VPS13B: variants seen among roughly 807,000 people sequenced by gnomAD.
VPS13B encodes the protein intermembrane lipid transfer protein VPS13B.
VPS13B carries 285 observed loss-of-function variants against 426.4 expected under a neutral mutation model. That is an observed-to-expected ratio of 0.67 (90% CI 0.61 to 0.74). The LOEUF (loss-of-function observed/expected upper bound fraction) is 0.74, where lower values mean the gene tolerates loss of function less well. VPS13B is among the 30% of genes least tolerant of loss of function. VPS13B has a pLI of 0.00. For synonymous variants in VPS13B, 1,676 were observed against 1,676.4 expected (o/e 1.00, Z 0.01); for missense variants, 4,537 against 4,782.6 (o/e 0.95, Z 1.51).
At chr8:99,841,453 CTG>C (rs1815678743) in intron 54 of VPS13B, among the ~76,000 whole-genome samples, 1 of 152,220 alleles carries the variant, frequency 6.6e-6, no homozygotes, top group Non-Finnish European at 1.5e-5. Context: ...AATGTCATCA[CTG>C]TTTTCCCAGT....
intron 14 of VPS13B, among the ~76,000 whole-genome samples, chr8:99,150,635 G>A (rs1046526912): frequency 6.6e-6 from 1 of 152,134 alleles, no homozygotes; most frequent in Non-Finnish European, 1.5e-5. Context: ...GAATCATATA[G>A]TATGTAGCCT....
intron 3 of VPS13B, among the ~76,000 whole-genome samples, chr8:99,086,638 G>C (rs566595078): frequency 6.6e-6 from 1 of 152,066 alleles, no homozygotes; most frequent in Non-Finnish European, 1.5e-5. Flanking sequence ...TGGGGTTTTG[G>C]TGTGGATGTT....
At chr8:99,376,475 A>G (rs1158689585) in intron 19 of VPS13B, among the ~76,000 whole-genome samples, 3 of 152,172 alleles carry the variant, frequency 2.0e-5, no homozygotes. Flanking sequence ...TTTTGGTATA[A>G]TGTAATCATA....
At chr8:99,503,414 C>A (rs1821342063) in intron 27 of VPS13B, among the ~76,000 whole-genome samples, 1 of 152,234 alleles carries the variant, frequency 6.6e-6, no homozygotes, top group Admixed American at 6.5e-5. Flanking sequence ...TCAATGATGT[C>A]ATTTGCCACA....
At chr8:99,818,917 A>C in intron 47 of VPS13B, 29 bp downstream of exon 47, 4 of 1,593,180 alleles carry the variant, frequency 2.5e-6, no homozygotes, top group Non-Finnish European at 3.4e-6. Context: ...CATACATTTT[A>C]CATTTTCCTA....
At chr8:99,779,593 A>G (rs1811912596) in intron 42 of VPS13B, among the ~76,000 whole-genome samples, 1 of 152,212 alleles carries the variant, frequency 6.6e-6, no homozygotes, top group African/African-American at 2.4e-5. Context: ...GATTATTTTA[A>G]TAATTTTTTA....
At chr8:99,226,177 G>C (rs1381695932) in intron 17 of VPS13B, among the ~76,000 whole-genome samples, 1 of 152,098 alleles carries the variant, frequency 6.6e-6, no homozygotes, top group Non-Finnish European at 1.5e-5. Context: ...ACTACTTATA[G>C]TACATTTCTA....
chr8:99,336,529 T>G (rs559659325), intron 19 of VPS13B, among the ~76,000 whole-genome samples: 25 of 152,140 alleles, frequency 1.6e-4, no homozygotes, highest in Non-Finnish European at 2.5e-4. Flanking sequence ...CTAATGAAAC[T>G]AAAGAGCTTC....
chr8:99,778,701 G>C lies in VPS13B; in HGVS notation c.7449G>C (p.Gln2483His), dbSNP rs1382583981. 1 of 1,613,836 alleles carries C rather than the reference G, an allele frequency of 6.2e-7. No individual in the cohort carries two copies. The highest frequency in any genetic ancestry group is 1.1e-5 in the South Asian group (1 of 91,068). The part of the protein sequence containing the change: ...QLGTAAPQYL[Q>H]PFVSDRNMPS... ...CAACAGCTGCACCACAGTACCTACA[G>C]CCATTTGTTTCCGACAGAAATATGC... The change falls in exon 42 of 62, where the codon CAG (glutamine) becomes CAC (histidine). Residue 2483 changes from glutamine (Q) to histidine (H), a missense_variant. Physicochemically the swap from Gln to His is conservative, Grantham distance 24 (BLOSUM62 0). Around this residue, in one of 2 missense-constraint regions of VPS13B, gnomAD observed 4,311 missense variants for 4,474.3 expected, o/e 0.96. Coordinates refer to ENST00000357162, the MANE Select transcript of VPS13B (RefSeq NM_152564.5).
At chr8:99,218,501 G>T (rs1173793935) in intron 17 of VPS13B, among the ~76,000 whole-genome samples, 1 of 152,178 alleles carries the variant, frequency 6.6e-6, no homozygotes, top group Non-Finnish European at 1.5e-5. Flanking sequence ...GATTTATAAG[G>T]ATGCAGTTTT....
intron 19 of VPS13B, among the ~76,000 whole-genome samples, chr8:99,285,006 G>T (rs1383842690): frequency 6.6e-6 from 1 of 152,114 alleles, no homozygotes; most frequent in East Asian, 1.9e-4. Flanking sequence ...TTTCACAATA[G>T]TACCCTATAT....
intron 17 of VPS13B, among the ~76,000 whole-genome samples, chr8:99,210,334 C>T (rs56252936): frequency 0.063 from 9,650 of 152,168 alleles, 416 homozygotes; most frequent in South Asian, 0.11. Context: ...TTTATTGACC[C>T]CTATATTCTC....
chr8:99,670,693 T>A (rs1830678566), intron 35 of VPS13B, among the ~76,000 whole-genome samples: 1 of 152,116 alleles, frequency 6.6e-6, no homozygotes, highest in Non-Finnish European at 1.5e-5. Flanking sequence ...TTTTATAAGT[T>A]TGACATTTTT....
chr8:99,459,058 A>G (rs1289564795), intron 23 of VPS13B, among the ~76,000 whole-genome samples: 1 of 152,186 alleles, frequency 6.6e-6, no homozygotes, highest in Admixed American at 6.6e-5. Context: ...TTTAGGTCTA[A>G]CATTTAAGTC....
intron 19 of VPS13B, among the ~76,000 whole-genome samples, chr8:99,360,236 CTCTCTCCT>C (rs1407930218): frequency 2.4e-5 from 2 of 83,900 alleles, no homozygotes; most frequent in African/African-American, 9.8e-5. Context: ...CTTTCTTTCT[CTCTCTCCT>C]TCCTTCCTTC....
At chr8:99,545,033 T>G (rs1410328963) in intron 30 of VPS13B, among the ~76,000 whole-genome samples, 2 of 152,200 alleles carry the variant, frequency 1.3e-5, no homozygotes, top group African/African-American at 4.8e-5. Context: ...TTGAAACAAC[T>G]ATATCAAAAC....
intron 54 of VPS13B, among the ~76,000 whole-genome samples, chr8:99,838,702 C>T (rs1815518376): frequency 6.6e-6 from 1 of 152,180 alleles, no homozygotes; most frequent in Non-Finnish European, 1.5e-5. Flanking sequence ...GTATTATAAG[C>T]ACTACAAAGA....
intron 22 of VPS13B, among the ~76,000 whole-genome samples, chr8:99,441,357 T>G (rs1817667839): frequency 6.6e-6 from 1 of 152,142 alleles, no homozygotes; most frequent in African/African-American, 2.4e-5. Context: ...GAGATGTTGC[T>G]ATTATCTTTT....
At chr8:99,695,545 T>C (rs1301275997) in intron 35 of VPS13B, among the ~76,000 whole-genome samples, 4 of 73,206 alleles carry the variant, frequency 5.5e-5, no homozygotes, top group African/African-American at 2.2e-4. Context: ...CTGGGGACTG[T>C]GGTGGGGTGG....
Sources: allele counts gnomAD v4.1 joint callset (sites outside exome capture counted in the v4.1 genomes callset), GRCh38; gene constraint gnomAD v4.1.1; regional missense constraint gnomAD v4.1.1; transcripts MANE v1.5; gene names NCBI Gene and HGNC (gene_info 2026-07-23, HGNC 2026-07-21).